GRIP1: variants seen among roughly 807,000 people sequenced by gnomAD.
GRIP1 encodes the protein glutamate receptor-interacting protein 1.
A neutral mutation model predicts 129.9 loss-of-function variants in GRIP1; 45 were observed. The ratio of observed to expected loss-of-function variants is 0.35; its 90% CI spans 0.27 to 0.44. The LOEUF is 0.44. GRIP1 is among the 20% of genes least tolerant of loss of function. The pLI is 1.00. For synonymous variants in GRIP1, 530 were observed against 520.8 expected (o/e 1.02, Z -0.24); for missense variants, 1,196 against 1,396.8 (o/e 0.86, Z 2.29).
intron 22 of GRIP1, 69 bp downstream of exon 22, chr12:66,376,948 C>A: frequency 9.7e-7 from 1 of 1,033,252 alleles, no homozygotes; most frequent in South Asian, 1.3e-5. Flanking sequence ...AATCAAATTG[C>A]TGTCCAGAAG....
intron 7 of GRIP1, among the ~76,000 whole-genome samples, chr12:66,507,655 A>G (rs573314476): frequency 6.6e-6 from 1 of 152,330 alleles, no homozygotes; most frequent in South Asian, 2.1e-4. Context: ...AAAAGGAATT[A>G]TTTAAAAATT....
At chr12:67,026,798 T>C (rs2042947375) in intron 1 of GRIP1, among the ~76,000 whole-genome samples, 1 of 152,242 alleles carries the variant, frequency 6.6e-6, no homozygotes, top group African/African-American at 2.4e-5. Flanking sequence ...TTCTTTTGAA[T>C]AATATAATCT....
In GRIP1 at chr12:66,456,078, T is replaced by C. The variant is rs1029546888; in HGVS notation, c.1198+109A>G. ...GATGTCAGAAATGATAAATTGCTAC[T>C]ATAAGAAACAGAAAAAACAACATCC... On this transcript the variant is annotated intron_variant, in intron 10 of 24. Transcript: ENST00000359742. 4 of 591,852 alleles carry C rather than the reference T, an allele frequency of 6.8e-6. No homozygotes were observed. In the African/African-American group the frequency reaches 7.8e-5, roughly 11 times the overall value. The allele number at this position is 591,852 out of a possible 1,614,324, so 36.7% of individuals were successfully genotyped here. A position where few individuals can be genotyped will look rare whatever the true frequency, so the allele number is the denominator to read the frequency against.
At chr12:67,049,718 T>TA (rs1286446828) in intron 1 of GRIP1, among the ~76,000 whole-genome samples, 3 of 148,254 alleles carry the variant, frequency 2.0e-5, no homozygotes, top group Non-Finnish European at 4.5e-5. Context: ...TCCCAGAACT[T>TA]AAAGTACAAT....
intron 2 of GRIP1, among the ~76,000 whole-genome samples, chr12:66,548,868 G>T (rs1040487757): frequency 2.0e-5 from 3 of 152,038 alleles, no homozygotes; most frequent in Middle Eastern, 3.2e-3. Flanking sequence ...GAAAAACTTG[G>T]TCTTAAAATA....
chr12:67,046,815 A>C (rs2043261141), intron 1 of GRIP1, among the ~76,000 whole-genome samples: 1 of 152,208 alleles, frequency 6.6e-6, no homozygotes, highest in African/African-American at 2.4e-5. Context: ...TCTAGAAAAT[A>C]GTGCTTCAAT....
chr12:66,793,800 T>C (rs1285565906), intron 1 of GRIP1, among the ~76,000 whole-genome samples: 2 of 152,156 alleles, frequency 1.3e-5, no homozygotes, highest in African/African-American at 4.8e-5. Context: ...TAATGCATAT[T>C]GGCTGATAAT....
At chr12:66,706,180 A>T (rs2035522042) in intron 1 of GRIP1, among the ~76,000 whole-genome samples, 1 of 152,196 alleles carries the variant, frequency 6.6e-6, no homozygotes, top group Non-Finnish European at 1.5e-5. Context: ...AATATCTAGA[A>T]TTTACAAGGA....
chr12:66,968,773 G>C (rs956893024), intron 1 of GRIP1, among the ~76,000 whole-genome samples: 6 of 124,788 alleles, frequency 4.8e-5, no homozygotes, highest in African/African-American at 2.1e-4. Flanking sequence ...AATGAGAAAA[G>C]CAAAAGATTT....
chr12:66,722,038 A>C (rs117513163), intron 1 of GRIP1, among the ~76,000 whole-genome samples: 8 of 152,318 alleles, frequency 5.3e-5, no homozygotes, highest in Non-Finnish European at 1.2e-4. Context: ...CAAACCATTA[A>C]AACTTTCTCC....
chr12:66,539,030 G>A, intron 4 of GRIP1, 48 bp downstream of exon 4: 1 of 1,525,312 alleles, frequency 6.6e-7, no homozygotes, highest in Non-Finnish European at 9.1e-7. Flanking sequence ...CATCCACTGG[G>A]GGTCTTGGAA....
chr12:66,385,840 C>T (rs570340069), intron 19 of GRIP1, among the ~76,000 whole-genome samples: 5 of 152,258 alleles, frequency 3.3e-5, no homozygotes, highest in South Asian at 2.1e-4. Flanking sequence ...GAACTCCTGA[C>T]TTCAAGTGAT....
intron 16 of GRIP1, among the ~76,000 whole-genome samples, chr12:66,395,012 A>G (rs1049606104): frequency 2.0e-5 from 3 of 152,176 alleles, no homozygotes; most frequent in African/African-American, 4.8e-5. Context: ...TCCTCTTTCA[A>G]TGGAGTAACA....
At chr12:66,553,755 A>G (rs2139334068) in intron 2 of GRIP1, among the ~76,000 whole-genome samples, 1 of 151,698 alleles carries the variant, frequency 6.6e-6, no homozygotes, top group East Asian at 1.9e-4. Flanking sequence ...GGGGGAGGAA[A>G]AGTGCTGTGA....
intron 1 of GRIP1, among the ~76,000 whole-genome samples, chr12:66,994,316 A>C (rs2042436152): frequency 6.6e-6 from 1 of 152,118 alleles, no homozygotes; most frequent in African/African-American, 2.4e-5. Flanking sequence ...AATTTATCAT[A>C]GAAACGCAAA....
chr12:66,654,896 T>C (rs1192455728), intron 1 of GRIP1, among the ~76,000 whole-genome samples: 3 of 152,204 alleles, frequency 2.0e-5, no homozygotes, highest in Non-Finnish European at 2.9e-5. Flanking sequence ...AAAGCAATGG[T>C]GAAAATTAGA....
intron 5 of GRIP1, among the ~76,000 whole-genome samples, chr12:66,524,976 C>A (rs1015067007): frequency 6.6e-6 from 1 of 152,080 alleles, no homozygotes; most frequent in Non-Finnish European, 1.5e-5. Context: ...CAAGACTAAA[C>A]CAGGAAGAAG....
At chr12:66,745,981 A>G (rs1232124458) in intron 1 of GRIP1, among the ~76,000 whole-genome samples, 1 of 152,174 alleles carries the variant, frequency 6.6e-6, no homozygotes, top group Non-Finnish European at 1.5e-5. Flanking sequence ...TTTGAAAAGG[A>G]TAAGTTGGTG....
At chr12:66,962,319 C>T (rs1029072691) in intron 1 of GRIP1, among the ~76,000 whole-genome samples, 4 of 152,082 alleles carry the variant, frequency 2.6e-5, no homozygotes, top group African/African-American at 9.7e-5. Context: ...AAAGAAACTT[C>T]CACATTGAAC....
Sources: gnomAD v4.1 joint callset for allele counts (sites outside exome capture counted in the v4.1 genomes callset) on GRCh38, gnomAD v4.1.1 for gene constraint, MANE v1.5 for transcripts, NCBI Gene and HGNC (gene_info 2026-07-23, HGNC 2026-07-21) for gene names.